The following GRB10 variants were observed in gnomAD, a reference collection of about 807,000 sequenced individuals.
GRB10 encodes growth factor receptor-bound protein 10.
A neutral mutation model predicts 80.9 loss-of-function variants in GRB10; 20 were observed. The observed-to-expected ratio is 0.25, with a 90% CI of 0.17 to 0.36. The LOEUF is 0.36. Ranked by LOEUF, GRB10 falls within the 10% of genes least tolerant of loss-of-function variation. The pLI is 1.00. For synonymous variants in GRB10, 291 were observed against 291.5 expected (o/e 1.00, Z 0.02); for missense variants, 548 against 747.7 (o/e 0.73, Z 3.12).
intron 7 of GRB10, among the ~76,000 whole-genome samples, chr7:50,641,485 A>G (rs942399201): frequency 6.6e-6 from 1 of 152,236 alleles, no homozygotes; most frequent in Admixed American, 6.5e-5. Flanking sequence ...GGACACATTC[A>G]TGAGAGCTGT....
At chr7:50,643,277 G>C (rs948452841) in intron 7 of GRB10, among the ~76,000 whole-genome samples, 1 of 152,064 alleles carries the variant, frequency 6.6e-6, no homozygotes, top group African/African-American at 2.4e-5. Flanking sequence ...AATGAGAAAC[G>C]TAACAGACAA....
chr7:50,640,904 C>T (rs2056101486), intron 7 of GRB10, among the ~76,000 whole-genome samples: 1 of 152,148 alleles, frequency 6.6e-6, no homozygotes, highest in South Asian at 2.1e-4. Flanking sequence ...GCCTTCCATC[C>T]TCAGCTTTGC....
intron 5 of GRB10, among the ~76,000 whole-genome samples, chr7:50,699,660 G>T (rs551149765): frequency 9.0e-4 from 137 of 152,178 alleles, no homozygotes; most frequent in Non-Finnish European, 1.7e-3. Context: ...ACTGAATTTG[G>T]TTCATTAGTG....
intron 17 of GRB10, among the ~76,000 whole-genome samples, chr7:50,603,679 A>G (rs1286285530): frequency 6.6e-6 from 1 of 152,254 alleles, no homozygotes; most frequent in African/African-American, 2.4e-5. Flanking sequence ...AAGCGTAGGC[A>G]AAAGCATTTT....
chr7:50,704,752 G>A (rs553413005), intron 4 of GRB10, among the ~76,000 whole-genome samples: 5 of 152,322 alleles, frequency 3.3e-5, no homozygotes, highest in South Asian at 2.1e-4. Context: ...ACTGAAGCAC[G>A]TGAAACATCC....
At chr7:50,721,399 G>A (rs926354774) in intron 4 of GRB10, among the ~76,000 whole-genome samples, 3 of 152,224 alleles carry the variant, frequency 2.0e-5, no homozygotes, top group African/African-American at 7.2e-5. Context: ...AGGAGCCGTC[G>A]CAGTGATCAT....
chr7:50,753,366 G>A (rs1241214470), intron 3 of GRB10, among the ~76,000 whole-genome samples: 1 of 152,210 alleles, frequency 6.6e-6, no homozygotes. Context: ...GCAGGAGCTG[G>A]GGCCATCTTG....
chr7:50,641,278 G>GGC (rs1563257121), intron 7 of GRB10, among the ~76,000 whole-genome samples: 2 of 117,394 alleles, frequency 1.7e-5, no homozygotes, highest in African/African-American at 6.2e-5. Context: ...ATCAAAAAAG[G>GGC]TGGGGGGGTA....
upstream of GRB10, among the ~76,000 whole-genome samples, chr7:50,786,405 G>A (rs943026690): frequency 2.0e-5 from 3 of 152,126 alleles, no homozygotes; most frequent in Admixed American, 6.5e-5. Flanking sequence ...ACACAAAGTG[G>A]AGACCCAACA....
chr7:50,787,913 C>T (rs1043503961), intron 1 of GRB10, among the ~76,000 whole-genome samples: 4 of 152,162 alleles, frequency 2.6e-5, no homozygotes, highest in Non-Finnish European at 4.4e-5. Context: ...GGGGGAGGTG[C>T]CCTCTGGCTC....
intron 2 of GRB10, among the ~76,000 whole-genome samples, chr7:50,761,197 A>ATACC (rs2075727189): frequency 6.6e-6 from 1 of 152,258 alleles, no homozygotes; most frequent in Non-Finnish European, 1.5e-5. Context: ...AAGTCAACAG[A>ATACC]TACCTGGATG....
At chr7:50,604,914 G>A (rs1477678521) in intron 15 of GRB10, 4 of 303,148 alleles carry the variant, frequency 1.3e-5, no homozygotes, top group Non-Finnish European at 2.5e-5. Flanking sequence ...AGGCCTCCAG[G>A]CTGTTAGTAG....
intron 17 of GRB10, among the ~76,000 whole-genome samples, 157 bp downstream of exon 17, chr7:50,603,841 C>T (rs552165611): frequency 2.0e-5 from 3 of 152,340 alleles, no homozygotes; most frequent in East Asian, 1.9e-4. Context: ...GCAAGCCCTG[C>T]GTACCACTTA....
chr7:50,784,349 C>A (rs567732433), upstream of GRB10, among the ~76,000 whole-genome samples: 2 of 152,348 alleles, frequency 1.3e-5, no homozygotes, highest in African/African-American at 2.4e-5. Flanking sequence ...AGATATGAGA[C>A]TTTTCTGCGG....
At chr7:50,775,977 A>T (rs1013174011) in intron 2 of GRB10, among the ~76,000 whole-genome samples, 1 of 152,190 alleles carries the variant, frequency 6.6e-6, no homozygotes, top group Non-Finnish European at 1.5e-5. Flanking sequence ...CTCCTTTGAC[A>T]TAAGTTCTGT....
chr7:50,614,315 T>TGCATGCAG (rs1453928892), intron 12 of GRB10, among the ~76,000 whole-genome samples: 1 of 152,188 alleles, frequency 6.6e-6, no homozygotes, highest in African/African-American at 2.4e-5. Flanking sequence ...AGCACACACA[T>TGCATGCAG]GCATGCAGAG....
chr7:50,608,158 G>A (rs1003051115), intron 13 of GRB10, among the ~76,000 whole-genome samples: 1 of 152,096 alleles, frequency 6.6e-6, no homozygotes, highest in African/African-American at 2.4e-5. Flanking sequence ...AAGTAAGCCC[G>A]CTCCGAGCAT....
chr7:50,740,489 A>G (rs1018254679), intron 3 of GRB10, among the ~76,000 whole-genome samples: 2 of 152,264 alleles, frequency 1.3e-5, no homozygotes, highest in African/African-American at 4.8e-5. Context: ...AAAATTTTAG[A>G]AAGACGTTTT....
At chr7:50,627,108 C>T (rs2053044590) in intron 7 of GRB10, 130 bp from the exon 8 acceptor site, 1 of 929,074 alleles carries the variant, frequency 1.1e-6, no homozygotes, top group South Asian at 1.3e-5. Flanking sequence ...TTTTTCCAGG[C>T]AGCCAACAGG....
Sources: allele counts gnomAD v4.1 joint callset (sites outside exome capture counted in the v4.1 genomes callset), GRCh38; gene constraint gnomAD v4.1.1; transcripts MANE v1.5; gene names NCBI Gene and HGNC (gene_info 2026-07-23, HGNC 2026-07-21).